Variants in TMEM117 observed in about 807,000 individuals in gnomAD.
TMEM117 encodes transmembrane protein 117.
In TMEM117, 27 loss-of-function variants were observed where a neutral mutation model predicts 52.4. The ratio of observed to expected loss-of-function variants is 0.51; its 90% confidence interval spans 0.38 to 0.71. The LOEUF is 0.71. Ranked by LOEUF, TMEM117 falls within the 30% of genes least tolerant of loss-of-function variation. The pLI is 0.00. For missense variants in TMEM117, 556 were observed against 630.5 expected, an observed-to-expected ratio of 0.88 and a Z score of 1.26; for synonymous variants, 215 against 206.3, an observed-to-expected ratio of 1.04 and a Z score of -0.36.
At chr12:43,833,374 T>C (rs930547138), upstream of TMEM117, among the ~76,000 whole-genome samples, 11 of 152,158 alleles carry the variant, frequency 7.2e-5, no homozygotes, top group Admixed American at 7.2e-4. Context: ...GCTGAATGAT[T>C]TTTATCCCAC....
intron 5 of TMEM117, among the ~76,000 whole-genome samples, chr12:44,213,492 A>C (rs1002122809): frequency 2.0e-5 from 3 of 152,198 alleles, no homozygotes; most frequent in Non-Finnish European, 4.4e-5. Context: ...TCTTAAAACA[A>C]TATTTATTTA....
intron 6 of TMEM117, among the ~76,000 whole-genome samples, chr12:44,339,387 ATTATAT>A (rs1481545127): frequency 6.6e-6 from 1 of 151,920 alleles, no homozygotes; most frequent in Non-Finnish European, 1.5e-5. Context: ...CATCCACCAT[ATTATAT>A]TCCCTACACC....
intron 3 of TMEM117, among the ~76,000 whole-genome samples, chr12:44,049,133 T>C (rs540271404): frequency 3.2e-4 from 48 of 152,296 alleles, no homozygotes; most frequent in Non-Finnish European, 5.9e-4. Flanking sequence ...ACTGCAGCAC[T>C]ATTTACATTA....
At chr12:43,798,549 A>G in the TMEM117 span, 2 of 1,521,848 alleles carry the variant, frequency 1.3e-6, no homozygotes, top group Non-Finnish European at 1.8e-6. Context: ...ATCATAGAAC[A>G]TATGCGAATG....
chr12:44,211,266 A>G, intron 4 of TMEM117, 24 bp from the exon 5 acceptor site: 1 of 1,496,864 alleles, frequency 6.7e-7, no homozygotes, highest in Non-Finnish European at 9.3e-7. Flanking sequence ...GAAAGTGCTG[A>G]ATAAGTTCCT....
intron 5 of TMEM117, among the ~76,000 whole-genome samples, chr12:44,239,541 C>T (rs1950037011): frequency 6.6e-6 from 1 of 152,076 alleles, no homozygotes; most frequent in African/African-American, 2.4e-5. Flanking sequence ...TCTTAGCGAT[C>T]TCAATATTCA....
chr12:44,111,619 A>C (rs1948056380), intron 3 of TMEM117, among the ~76,000 whole-genome samples: 2 of 110,898 alleles, frequency 1.8e-5, no homozygotes, highest in Non-Finnish European at 3.4e-5. Context: ...GGAGAGCTTT[A>C]CTTCCAACTA....
chr12:44,097,290 T>C (rs979867308), intron 3 of TMEM117, among the ~76,000 whole-genome samples: 28 of 152,244 alleles, frequency 1.8e-4, no homozygotes, highest in Admixed American at 1.4e-3. Context: ...GTTCAACCAT[T>C]GTGGAAGTCA....
Position 43,978,459 on chromosome 12 carries a change from T to C in TMEM117, c.410+34117T>C, listed in dbSNP as rs1945708566. 2.0e-5 allele frequency among the ~76,000 whole-genome samples: 3 copies of C among 152,238 alleles called. No homozygotes were observed. In the South Asian group the frequency reaches 6.2e-4, roughly 32 times the overall value. ...GGCTCTAACTTCAGCTCTCTGAATG[T>C]TAGTAAGTCCAGAACGAGTGAGGGA... On this transcript the variant is annotated intron_variant, in intron 3 of 7. Coordinates refer to ENST00000266534, the MANE Select transcript of TMEM117 (RefSeq NM_032256.3).
At chr12:44,208,626 A>C (rs900836860) in intron 4 of TMEM117, among the ~76,000 whole-genome samples, 1 of 151,518 alleles carries the variant, frequency 6.6e-6, no homozygotes, top group East Asian at 1.9e-4. Flanking sequence ...CTGCCAATTT[A>C]GCTACAAGTG....
At chr12:44,277,763 T>G (rs968220656) in intron 5 of TMEM117, among the ~76,000 whole-genome samples, 1 of 82,998 alleles carries the variant, frequency 1.2e-5, no homozygotes, top group African/African-American at 4.2e-5. Context: ...ACTCTGAGCT[T>G]TTTTTTTTTT....
chr12:43,916,192 ACC>A (rs1944600932), intron 2 of TMEM117, among the ~76,000 whole-genome samples: 1 of 152,132 alleles, frequency 6.6e-6, no homozygotes, highest in African/African-American at 2.4e-5. Flanking sequence ...TCCCTGTTCC[ACC>A]TCTTTGTTCT....
chr12:43,973,094 C>T (rs1363593597), intron 3 of TMEM117, among the ~76,000 whole-genome samples: 2 of 152,092 alleles, frequency 1.3e-5, no homozygotes, highest in Non-Finnish European at 2.9e-5. Flanking sequence ...CAGAACAGAG[C>T]CTATGATTTT....
At chr12:44,130,121 G>A (rs183592453) in intron 3 of TMEM117, among the ~76,000 whole-genome samples, 9 of 152,134 alleles carry the variant, frequency 5.9e-5, no homozygotes, top group Admixed American at 2.6e-4. Flanking sequence ...GTTACCATTC[G>A]TTGAAACTTT....
intron 4 of TMEM117, among the ~76,000 whole-genome samples, chr12:44,196,050 G>C (rs1008313981): frequency 6.6e-6 from 1 of 151,996 alleles, no homozygotes; most frequent in Non-Finnish European, 1.5e-5. Context: ...TTGTGCCACT[G>C]CACTCCAGCC....
At chr12:43,907,342 C>T (rs917428257) in intron 2 of TMEM117, among the ~76,000 whole-genome samples, 5 of 151,172 alleles carry the variant, frequency 3.3e-5, no homozygotes, top group Non-Finnish European at 7.4e-5. Flanking sequence ...AAAAACCCAT[C>T]TGTACATCAC....
At chr12:44,003,379 G>A (rs1293148213) in intron 3 of TMEM117, among the ~76,000 whole-genome samples, 8 of 152,176 alleles carry the variant, frequency 5.3e-5, no homozygotes, top group Middle Eastern at 3.2e-3. Context: ...CTCAGCCACC[G>A]CAAACAATGG....
At chr12:43,947,256 G>T (rs1222589483) in intron 3 of TMEM117, among the ~76,000 whole-genome samples, 1 of 152,092 alleles carries the variant, frequency 6.6e-6, no homozygotes, top group Non-Finnish European at 1.5e-5. Context: ...GATTGCTTGA[G>T]CTTGGGAGTT....
intron 3 of TMEM117, among the ~76,000 whole-genome samples, chr12:44,074,157 T>C (rs1306432891): frequency 6.6e-6 from 1 of 152,150 alleles, no homozygotes; most frequent in Non-Finnish European, 1.5e-5. Flanking sequence ...CCAACTTACC[T>C]GGAATGGAGA....
Sources: allele counts gnomAD v4.1 joint callset (sites outside exome capture counted in the v4.1 genomes callset), GRCh38; gene constraint gnomAD v4.1.1; transcripts MANE v1.5; gene names NCBI Gene and HGNC (gene_info 2026-07-23, HGNC 2026-07-21).